The following SUPT3H variants were observed in gnomAD, a reference collection of about 807,000 sequenced individuals.
The protein encoded by SUPT3H is transcription initiation protein SPT3 homolog.
Under a neutral mutation model 44.3 loss-of-function variants are expected in SUPT3H, and 44 were observed. The observed-to-expected ratio is 0.99, with a 90% CI of 0.78 to 1.28. The LOEUF (loss-of-function observed/expected upper bound fraction) is 1.28, where lower values mean the gene tolerates loss of function less well. Among genes scored for constraint, SUPT3H ranks in the 50% most tolerant of loss-of-function variants. The pLI, the probability that SUPT3H is intolerant of heterozygous loss-of-function variation, is 0.00. For missense variants in SUPT3H, 380 were observed against 387.1 expected (o/e 0.98, Z 0.15); for synonymous variants, 124 against 125.6 (o/e 0.99, Z 0.09).
At chr6:45,352,067 T>A (rs115128021) in intron 2 of SUPT3H, among the ~76,000 whole-genome samples, 281 of 152,268 alleles carry the variant, frequency 1.8e-3, no homozygotes, top group African/African-American at 6.5e-3. Context: ...TTCCTTAAAA[T>A]GATATGAATG....
At chr6:44,933,288 A>G (rs928436874) in intron 9 of SUPT3H, among the ~76,000 whole-genome samples, 1 of 135,456 alleles carries the variant, frequency 7.4e-6, no homozygotes, top group Non-Finnish European at 1.7e-5. Flanking sequence ...ATCTCAGGAC[A>G]AAACAAAAAC....
chr6:44,833,737 A>G (rs532486670), intron 10 of SUPT3H, among the ~76,000 whole-genome samples: 1 of 152,256 alleles, frequency 6.6e-6, no homozygotes, highest in Admixed American at 6.5e-5. Context: ...TGTTCTTTTC[A>G]TTATACTACA....
intron 10 of SUPT3H, among the ~76,000 whole-genome samples, chr6:44,837,019 C>A (rs535078148): frequency 6.6e-6 from 1 of 152,174 alleles, no homozygotes; most frequent in South Asian, 2.1e-4. Flanking sequence ...CATACTGTTA[C>A]CAAAAATTAG....
chr6:45,243,357 CAA>C (rs1324889075), intron 2 of SUPT3H, among the ~76,000 whole-genome samples: 2 of 149,648 alleles, frequency 1.3e-5, no homozygotes, highest in African/African-American at 5.1e-5. Flanking sequence ...CACAGCTTAA[CAA>C]AGTCAGCCAA....
At chr6:45,289,785 T>TA (rs1162339046) in intron 2 of SUPT3H, among the ~76,000 whole-genome samples, 5 of 152,230 alleles carry the variant, frequency 3.3e-5, no homozygotes, top group African/African-American at 1.2e-4. Flanking sequence ...TTACTAAATA[T>TA]GCTTGCTGTT....
intron 3 of SUPT3H, among the ~76,000 whole-genome samples, chr6:45,036,918 A>T (rs1695873523): frequency 6.6e-6 from 1 of 152,104 alleles, no homozygotes; most frequent in African/African-American, 2.4e-5. Context: ...CCCAGGATGG[A>T]TGTGCAGGAA....
At chr6:44,852,195 C>T (rs1243255564) in intron 10 of SUPT3H, among the ~76,000 whole-genome samples, 1 of 152,130 alleles carries the variant, frequency 6.6e-6, no homozygotes, top group Non-Finnish European at 1.5e-5. Context: ...CAGAATTAGG[C>T]AAATGGGCAC....
intron 2 of SUPT3H, among the ~76,000 whole-genome samples, chr6:45,295,540 A>C (rs998856001): frequency 1.2e-4 from 17 of 147,698 alleles, no homozygotes; most frequent in Admixed American, 4.7e-4. Flanking sequence ...AAAAAAAAAA[A>C]AAAAAAAAAA....
At chr6:45,239,841 AAAC>A (rs1484201450) in intron 2 of SUPT3H, among the ~76,000 whole-genome samples, 5 of 152,292 alleles carry the variant, frequency 3.3e-5, no homozygotes, top group South Asian at 4.1e-4. Context: ...TCTCTCCCTA[AAAC>A]AACAATTGCA....
chr6:44,817,478 T>A (rs907775102), intron 11 of SUPT3H, among the ~76,000 whole-genome samples: 3 of 152,078 alleles, frequency 2.0e-5, no homozygotes, highest in Non-Finnish European at 4.4e-5. Context: ...TCCTAGTCAC[T>A]GCAATAAGAC....
intron 1 of SUPT3H, 67 bp from the exon 2 acceptor site, chr6:45,365,368 A>G: frequency 9.3e-7 from 1 of 1,071,040 alleles, no homozygotes; most frequent in Non-Finnish European, 1.4e-6. Flanking sequence ...AAAAAAAAAG[A>G]AAGCAAATAT....
chr6:45,068,628 T>C (rs548659187), intron 3 of SUPT3H, among the ~76,000 whole-genome samples: 9 of 152,144 alleles, frequency 5.9e-5, no homozygotes, highest in Non-Finnish European at 1.3e-4. Flanking sequence ...TACTGACTAG[T>C]TTAGAATCAA....
At chr6:44,842,231 A>C (rs1771058499) in intron 10 of SUPT3H, among the ~76,000 whole-genome samples, 1 of 152,106 alleles carries the variant, frequency 6.6e-6, no homozygotes, top group South Asian at 2.1e-4. Flanking sequence ...TTCTCTGTGA[A>C]ATGCACATGG....
At chr6:45,118,540 G>A (rs1030778346) in intron 2 of SUPT3H, among the ~76,000 whole-genome samples, 1 of 152,006 alleles carries the variant, frequency 6.6e-6, no homozygotes, top group Admixed American at 6.6e-5. Context: ...TGCACCATTT[G>A]TTCCTAAAAT....
chr6:45,023,364 G>A (rs112424698), intron 3 of SUPT3H, among the ~76,000 whole-genome samples: 2,223 of 151,994 alleles, frequency 0.015, 25 homozygotes, highest in South Asian at 0.029. Flanking sequence ...TGTGGAAAGC[G>A]GTATGGTGAT....
chr6:45,087,818 G>A (rs1393176728), intron 3 of SUPT3H, among the ~76,000 whole-genome samples: 1 of 151,826 alleles, frequency 6.6e-6, no homozygotes, highest in Non-Finnish European at 1.5e-5. Context: ...TATTTTTCAA[G>A]AATGTTGGGA....
intron 2 of SUPT3H, among the ~76,000 whole-genome samples, chr6:45,227,304 C>T (rs1459594045): frequency 1.3e-5 from 2 of 151,638 alleles, no homozygotes; most frequent in Non-Finnish European, 2.9e-5. Context: ...TTTTGAAAAA[C>T]ATATTCTACT....
At chr6:44,862,347 C>T (rs1436879559) in intron 10 of SUPT3H, among the ~76,000 whole-genome samples, 1 of 151,970 alleles carries the variant, frequency 6.6e-6, no homozygotes, top group Non-Finnish European at 1.5e-5. Flanking sequence ...GCTCTTACTA[C>T]AGCCTGTGAA....
At chr6:45,125,069 G>T (rs1802233960) in intron 2 of SUPT3H, among the ~76,000 whole-genome samples, 1 of 152,148 alleles carries the variant, frequency 6.6e-6, no homozygotes, top group Non-Finnish European at 1.5e-5. Flanking sequence ...TTCTCCTCTA[G>T]AGCCTTCAGA....
Sources: gnomAD v4.1 joint callset for allele counts (sites outside exome capture counted in the v4.1 genomes callset) on GRCh38, gnomAD v4.1.1 for gene constraint, MANE v1.5 for transcripts, NCBI Gene and HGNC (gene_info 2026-07-23, HGNC 2026-07-21) for gene names.